The following AEBP2 variants were observed in gnomAD, a reference collection of about 807,000 sequenced individuals.
The protein encoded by AEBP2 is zinc finger protein AEBP2.
In AEBP2, 10 loss-of-function variants were observed where a neutral mutation model predicts 50.8. That is an observed-to-expected ratio of 0.20 (90% CI 0.12 to 0.33). The LOEUF (loss-of-function observed/expected upper bound fraction) is 0.33. AEBP2 is among the 10% of genes least tolerant of loss of function. The pLI, the probability that AEBP2 is intolerant of heterozygous loss-of-function variation, is 1.00. For missense variants in AEBP2, 570 were observed against 688.0 expected, an observed-to-expected ratio of 0.83 and a Z score of 1.92; for synonymous variants, 296 against 261.3, an observed-to-expected ratio of 1.13 and a Z score of -1.28.
At position 19,519,381 on chromosome 12, in the gene AEBP2, T is replaced by C. The variant is rs937074670; in HGVS notation, c.*1264T>C. On this transcript the variant is annotated 3_prime_UTR_variant, in exon 8 of 8. Coordinates refer to ENST00000266508, the MANE Select transcript of AEBP2 (RefSeq NM_153207.5). ...AAAGCACCTTCTTTAACAATAAATG[T>C]CTTTCACAGACTTAAGGGACTATGT... 6.6e-6 allele frequency: 1 copy of C among 152,600 alleles called. No individual in the cohort carries two copies. The highest frequency in any genetic ancestry group is 2.4e-5 in the African/African-American group (1 of 41,456). 9.5% of individuals were successfully genotyped at this position (152,600 alleles called of 1,614,324 possible).
At chr12:19,461,313 A>G (rs559233432) in intron 1 of AEBP2, among the ~76,000 whole-genome samples, 1 of 152,318 alleles carries the variant, frequency 6.6e-6, no homozygotes, top group Non-Finnish European at 1.5e-5. Flanking sequence ...AAAAGAAAAT[A>G]AGTGAATTGC....
upstream of AEBP2, among the ~76,000 whole-genome samples, chr12:19,436,599 G>T (rs1233211775): frequency 2.1e-4 from 18 of 85,836 alleles, no homozygotes; most frequent in Non-Finnish European, 3.8e-4. Context: ...TTTTTTTTTG[G>T]GGGGGGGATA....
chr12:19,486,375 A>G (rs999929512), intron 3 of AEBP2, among the ~76,000 whole-genome samples: 10 of 152,046 alleles, frequency 6.6e-5, no homozygotes, highest in South Asian at 2.1e-4. Context: ...ATTGTTTCCA[A>G]TCATTGGCTG....
chr12:19,421,703 G>C (rs184686202), intron 1 of AEBP2, among the ~76,000 whole-genome samples: 4 of 152,338 alleles, frequency 2.6e-5, no homozygotes, highest in African/African-American at 9.6e-5. Context: ...CATAGCAGGG[G>C]GGCCTGGAGG....
chr12:19,440,313 G>A lies in AEBP2; in HGVS notation c.614G>A (p.Gly205Asp). The change falls in exon 1 of 8, where the codon GGC becomes GAC. Residue 205 changes from glycine (G) to aspartate (D), a missense_variant. By Grantham distance (94) the Gly-to-Asp change is moderately conservative. This residue lies in a region of AEBP2 where 386 missense variants were observed against 336.8 expected (regional missense o/e 1.15). Transcript: ENST00000266508. ...GSSATSGGRR[G>D]SLEMSSDGEP... Reference sequence around the variant, plus strand: ...AGCGCGACCTCCGGGGGCCGGCGGGGCAGCTTGGAGATGTCGTCGGATGGG... The same window carrying A: ...AGCGCGACCTCCGGGGGCCGGCGGGACAGCTTGGAGATGTCGTCGGATGGG... The A allele has an allele frequency of 1.4e-6, 2 of 1,466,974 alleles. No homozygotes were observed. Among genetic ancestry groups the A allele is most frequent in the South Asian group, 1.4e-5 (1 of 71,046 alleles). 90.9% of individuals were successfully genotyped at this position (1,466,974 alleles called of 1,614,324 possible).
chr12:19,470,526 T>C (rs1287015993), intron 2 of AEBP2, among the ~76,000 whole-genome samples: 1 of 152,234 alleles, frequency 6.6e-6, no homozygotes, highest in Non-Finnish European at 1.5e-5. Flanking sequence ...TCTTTACGCC[T>C]ACTTCATTTG....
chr12:19,419,758 T>A (rs962677847), intron 1 of AEBP2, among the ~76,000 whole-genome samples: 1 of 151,734 alleles, frequency 6.6e-6, no homozygotes, highest in Non-Finnish European at 1.5e-5. Flanking sequence ...GGCGAAACCC[T>A]GTCTCTACTA....
intron 1 of AEBP2, among the ~76,000 whole-genome samples, chr12:19,443,262 A>C (rs893637192): frequency 1.3e-5 from 2 of 151,614 alleles, no homozygotes; most frequent in Non-Finnish European, 2.9e-5. Context: ...ACCCCTGGCT[A>C]ATTTTTGTTT....
chr12:19,494,543 C>T (rs1483791594), intron 4 of AEBP2, among the ~76,000 whole-genome samples: 4 of 145,606 alleles, frequency 2.7e-5, no homozygotes, highest in African/African-American at 1.0e-4. Context: ...GCTCTGTCAG[C>T]CAGGCCGGAG....
chr12:19,516,165 T>C (rs1236148522), intron 7 of AEBP2, among the ~76,000 whole-genome samples: 1 of 152,222 alleles, frequency 6.6e-6, no homozygotes, highest in East Asian at 1.9e-4. Context: ...TGGAATGAAC[T>C]AGATCATCAA....
chr12:19,466,830 G>T (rs1305600455), intron 2 of AEBP2: 7 of 983,120 alleles, frequency 7.1e-6, no homozygotes, highest in Non-Finnish European at 7.2e-6. Flanking sequence ...ATTATTGAAA[G>T]ATGACAGTTT....
chr12:19,455,555 G>T (rs2153368934), intron 1 of AEBP2, among the ~76,000 whole-genome samples: 1 of 152,212 alleles, frequency 6.6e-6, no homozygotes, highest in Non-Finnish European at 1.5e-5. Flanking sequence ...TGGCAACCCT[G>T]TCAGCCCTGG....
chr12:19,500,942 T>C (rs1033179774), intron 5 of AEBP2, among the ~76,000 whole-genome samples: 3 of 152,212 alleles, frequency 2.0e-5, no homozygotes, highest in African/African-American at 4.8e-5. Context: ...ATTTTTAAAT[T>C]GGTGTAGTTT....
intron 1 of AEBP2, among the ~76,000 whole-genome samples, chr12:19,428,202 C>T (rs1023975019): frequency 5.9e-5 from 9 of 152,074 alleles, no homozygotes; most frequent in Admixed American, 5.2e-4. Context: ...CACCACTGCA[C>T]TCCAGCCTGG....
intron 1 of AEBP2, among the ~76,000 whole-genome samples, chr12:19,442,363 G>A (rs1793797365): frequency 6.6e-6 from 1 of 152,088 alleles, no homozygotes; most frequent in South Asian, 2.1e-4. Flanking sequence ...AGCTGAGATG[G>A]TGCCACTGCA....
chr12:19,489,436 G>A (rs910456754), intron 3 of AEBP2, among the ~76,000 whole-genome samples: 1 of 152,184 alleles, frequency 6.6e-6, no homozygotes, highest in African/African-American at 2.4e-5. Flanking sequence ...CCAGTCACTT[G>A]GGAGGTTTCT....
chr12:19,445,036 C>T (rs557738724), intron 1 of AEBP2, among the ~76,000 whole-genome samples: 47 of 151,220 alleles, frequency 3.1e-4, no homozygotes, highest in Admixed American at 1.6e-3. Flanking sequence ...ATTTATTTAA[C>T]GTCTTACTAC....
chr12:19,464,143 A>G (rs1948429213), intron 2 of AEBP2, among the ~76,000 whole-genome samples: 1 of 152,198 alleles, frequency 6.6e-6, no homozygotes, highest in Non-Finnish European at 1.5e-5. Flanking sequence ...TCTGTTAACT[A>G]ACTGTGTCCA....
intron 3 of AEBP2, among the ~76,000 whole-genome samples, chr12:19,487,022 G>T (rs183646314): frequency 6.7e-6 from 1 of 149,630 alleles, no homozygotes; most frequent in Admixed American, 6.7e-5. Context: ...TCAGCAATTT[G>T]CAATGATGTT....
Sources: allele counts gnomAD v4.1 joint callset (sites outside exome capture counted in the v4.1 genomes callset), GRCh38; gene constraint gnomAD v4.1.1; regional missense constraint gnomAD v4.1.1; transcripts MANE v1.5; gene names NCBI Gene and HGNC (gene_info 2026-07-23, HGNC 2026-07-21).